CCDC30: variants seen among roughly 807,000 people sequenced by gnomAD.
CCDC30 encodes coiled-coil domain containing 30.
CCDC30 carries 70 observed loss-of-function variants against 100.2 expected under a neutral mutation model. The ratio of observed to expected loss-of-function variants is 0.70; its 90% CI spans 0.58 to 0.85. The LOEUF (loss-of-function observed/expected upper bound fraction) is 0.85, where lower values mean the gene tolerates loss of function less well. CCDC30 is among the 40% of genes least tolerant of loss of function. CCDC30 has a pLI of 0.00. For synonymous variants in CCDC30, 233 were observed against 269.5 expected, an observed-to-expected ratio of 0.86 and a Z score of 1.33; for missense variants, 652 against 771.2, an observed-to-expected ratio of 0.85 and a Z score of 1.83.
At chr1:42,541,287 G>A (rs988447380) in intron 6 of CCDC30, among the ~76,000 whole-genome samples, 1 of 152,160 alleles carries the variant, frequency 6.6e-6, no homozygotes, top group Non-Finnish European at 1.5e-5. Context: ...TCTCAAAAGG[G>A]CACTACTACA....
At chr1:42,648,098 G>A (rs1263448768) in intron 15 of CCDC30, among the ~76,000 whole-genome samples, 1 of 151,964 alleles carries the variant, frequency 6.6e-6, no homozygotes, top group African/African-American at 2.4e-5. Flanking sequence ...GTGCCACCAT[G>A]CCTGGCTAAT....
chr1:42,575,752 A>G (rs768126858), intron 7 of CCDC30, among the ~76,000 whole-genome samples: 13 of 152,146 alleles, frequency 8.5e-5, no homozygotes, highest in Admixed American at 2.0e-4. Context: ...ATACTTAATT[A>G]TAAATCATGG....
At chr1:42,500,241 T>G in intron 6 of CCDC30, 1 of 1,605,996 alleles carries the variant, frequency 6.2e-7, no homozygotes, top group South Asian at 1.1e-5. Flanking sequence ...GTTCAATCGT[T>G]TCTTTGGAAG....
At chr1:42,513,076 C>A (rs1315587680) in intron 6 of CCDC30, among the ~76,000 whole-genome samples, 2 of 152,184 alleles carry the variant, frequency 1.3e-5, no homozygotes, top group Middle Eastern at 3.2e-3. Context: ...TGTTCTGATC[C>A]TGGACAAGCC....
intron 9 of CCDC30, among the ~76,000 whole-genome samples, chr1:42,582,141 G>C (rs1645981029): frequency 6.6e-6 from 1 of 151,972 alleles, no homozygotes; most frequent in Non-Finnish European, 1.5e-5. Flanking sequence ...GAGGTAGGAG[G>C]ATCACTTGAG....
At chr1:42,460,023 G>A, upstream of CCDC30, 1 of 1,450,030 alleles carries the variant, frequency 6.9e-7, no homozygotes, top group Non-Finnish European at 9.0e-7. Context: ...CAGATAAAAT[G>A]AAAGAAAGGG....
rs151263114 is a variant in CCDC30, at chr1:42,651,109, A to T, written c.1855-2267A>T. 1.4e-4 allele frequency among the ~76,000 whole-genome samples: 22 copies of T among 152,348 alleles called. No homozygotes were observed. In the East Asian group the frequency reaches 4.2e-3, roughly 29 times the overall value. On this transcript the variant is annotated intron_variant, in intron 15 of 16. Transcript: ENST00000668663. ...TTAAAGACTTAAAGACAAGACCTGA[A>T]ATTGTAAAACTACTAGAAGAACACT...
chr1:42,620,330 C>G (rs1302640506), intron 11 of CCDC30, among the ~76,000 whole-genome samples: 1 of 152,122 alleles, frequency 6.6e-6, no homozygotes, highest in Non-Finnish European at 1.5e-5. Flanking sequence ...CAACAAACTC[C>G]TGTGGCACGT....
intron 15 of CCDC30, 86 bp downstream of exon 19, chr1:42,646,403 GT>G: frequency 7.7e-7 from 1 of 1,294,156 alleles, no homozygotes. Context: ...TCAACTTATG[GT>G]TTCTACACTG....
chr1:42,609,929 C>T (rs1646584720), intron 10 of CCDC30, among the ~76,000 whole-genome samples: 1 of 152,232 alleles, frequency 6.6e-6, no homozygotes, highest in African/African-American at 2.4e-5. Flanking sequence ...TGTAATTCTG[C>T]AGTCCACTTG....
intron 3 of CCDC30, among the ~76,000 whole-genome samples, chr1:42,487,903 G>C: frequency 6.6e-6 from 1 of 152,116 alleles, no homozygotes; most frequent in Admixed American, 6.5e-5. Context: ...ACAGAACCCC[G>C]GCACACCATG....
chr1:42,508,851 G>A (rs763333368), intron 6 of CCDC30, among the ~76,000 whole-genome samples: 1 of 152,086 alleles, frequency 6.6e-6, no homozygotes, highest in South Asian at 2.1e-4. Flanking sequence ...AAAAAAACAG[G>A]CTCCAAGAAG....
chr1:42,640,121 A>T (rs543857008), intron 12 of CCDC30, among the ~76,000 whole-genome samples: 66 of 152,174 alleles, frequency 4.3e-4, no homozygotes, highest in Non-Finnish European at 8.7e-4. Context: ...TTCTTATTTT[A>T]TGTATATTTT....
At chr1:42,629,726 G>A (rs1646999635) in intron 11 of CCDC30, among the ~76,000 whole-genome samples, 1 of 151,726 alleles carries the variant, frequency 6.6e-6, no homozygotes, top group Non-Finnish European at 1.5e-5. Context: ...CTGCCTCCCG[G>A]GTTCAAGCAA....
chr1:42,543,647 A>G (rs1018909332), intron 6 of CCDC30, among the ~76,000 whole-genome samples: 4 of 152,062 alleles, frequency 2.6e-5, no homozygotes, highest in African/African-American at 9.7e-5. Flanking sequence ...ACTCAGTTCT[A>G]TGTCAGTGCC....
chr1:42,618,069 T>C (rs575625067), intron 11 of CCDC30, among the ~76,000 whole-genome samples: 3 of 152,282 alleles, frequency 2.0e-5, no homozygotes, highest in African/African-American at 7.2e-5. Flanking sequence ...TCAGTCATAA[T>C]TTTTGCAAAA....
intron 6 of CCDC30, among the ~76,000 whole-genome samples, chr1:42,501,044 GT>G (rs1453049551): frequency 1.3e-5 from 2 of 152,038 alleles, no homozygotes; most frequent in African/African-American, 4.8e-5. Context: ...ATTCATCAAT[GT>G]TTTCTTTTAT....
At chr1:42,506,628 A>G (rs530883478) in intron 6 of CCDC30, among the ~76,000 whole-genome samples, 3 of 152,300 alleles carry the variant, frequency 2.0e-5, no homozygotes, top group South Asian at 2.1e-4. Context: ...TAGCAATTCC[A>G]TGTAATTAAA....
chr1:42,475,159 ATAGTGTATGATAATGT>A (rs1643869534), intron 1 of CCDC30, among the ~76,000 whole-genome samples: 1 of 152,160 alleles, frequency 6.6e-6, no homozygotes, highest in Non-Finnish European at 1.5e-5. Flanking sequence ...TATGGGAAAC[ATAGTGTATGATAATGT>A]AAGACAGCTG....
Sources: allele counts gnomAD v4.1 joint callset (sites outside exome capture counted in the v4.1 genomes callset), GRCh38; gene constraint gnomAD v4.1.1; transcripts MANE v1.5; gene names NCBI Gene and HGNC (gene_info 2026-07-23, HGNC 2026-07-21).